Variants in TTC7B observed in about 807,000 individuals in gnomAD.
TTC7B encodes the protein tetratricopeptide repeat protein 7B.
In TTC7B, 28 loss-of-function variants were observed where a neutral mutation model predicts 106.8. The observed-to-expected ratio is 0.26, with a 90% CI of 0.19 to 0.36. The LOEUF is 0.36. TTC7B is among the 10% of genes least tolerant of loss of function. The pLI is 1.00. For synonymous variants in TTC7B, 405 were observed against 430.6 expected, an observed-to-expected ratio of 0.94 and a Z score of 0.74; for missense variants, 862 against 1,076.4, an observed-to-expected ratio of 0.80 and a Z score of 2.79.
chr14:90,572,479 C>T (rs1397826561), intron 19 of TTC7B, among the ~76,000 whole-genome samples: 2 of 152,230 alleles, frequency 1.3e-5, no homozygotes, highest in African/African-American at 4.8e-5. Flanking sequence ...ATTTTTCAAA[C>T]AGCTCGGCCA....
intron 16 of TTC7B, among the ~76,000 whole-genome samples, chr14:90,614,207 C>T (rs1196020395): frequency 1.3e-5 from 2 of 152,180 alleles, no homozygotes; most frequent in Non-Finnish European, 2.9e-5. Context: ...TCCCAATATC[C>T]CGGAGCCTCA....
At chr14:90,611,428 C>A (rs1272214167) in intron 16 of TTC7B, among the ~76,000 whole-genome samples, 1 of 152,178 alleles carries the variant, frequency 6.6e-6, no homozygotes, top group East Asian at 1.9e-4. Flanking sequence ...CCCCTGACCC[C>A]CTTTTCTGAG....
chr14:90,596,453 G>A (rs1385058927), intron 17 of TTC7B, among the ~76,000 whole-genome samples: 1 of 152,214 alleles, frequency 6.6e-6, no homozygotes, highest in South Asian at 2.1e-4. Context: ...GATGATGACA[G>A]CAGTGGTGGT....
chr14:90,726,916 G>A (rs371407743), intron 5 of TTC7B, among the ~76,000 whole-genome samples: 4 of 152,146 alleles, frequency 2.6e-5, no homozygotes, highest in African/African-American at 4.8e-5. Context: ...GTCAGACCGC[G>A]CCCAGAGACT....
Position 90,729,927 on chromosome 14 carries a change from A to G in TTC7B, c.698+148T>C, listed in dbSNP as rs1291791728. On this transcript the variant is annotated intron_variant, in intron 5 of 19. Coordinates refer to ENST00000328459, the MANE Select transcript of TTC7B (RefSeq NM_001010854.2). ...GGTAGAGAAGAGACAAAAACAGCCAATGTTCATTCTTTAAAAGAAAAAAAA... is the reference window on the plus strand; with the variant it reads ...GGTAGAGAAGAGACAAAAACAGCCAGTGTTCATTCTTTAAAAGAAAAAAAA... The G allele has an allele frequency of 1.2e-5, 10 of 817,860 alleles. 1 individual carries two copies. In the Admixed American group the frequency reaches 2.8e-4, roughly 23 times the overall value. 50.7% of individuals were successfully genotyped at this position (817,860 alleles called of 1,614,324 possible).
intron 5 of TTC7B, among the ~76,000 whole-genome samples, chr14:90,699,876 C>T (rs1887917592): frequency 6.6e-6 from 1 of 152,184 alleles, no homozygotes; most frequent in African/African-American, 2.4e-5. Flanking sequence ...GGCTTCACAT[C>T]CCCACAAAAA....
At chr14:90,640,743 C>A (rs1885135972) in intron 15 of TTC7B, among the ~76,000 whole-genome samples, 1 of 152,106 alleles carries the variant, frequency 6.6e-6, no homozygotes, top group Non-Finnish European at 1.5e-5. Flanking sequence ...AGGTACAATG[C>A]CTCAAATGCA....
In TTC7B at chr14:90,577,882, C is replaced by T. The variant is rs947496863; in HGVS notation, c.2310+224G>A. On this transcript the variant is annotated intron_variant, in intron 19 of 19. Transcript: ENST00000328459. This position sits in a 1 kb window ranked among gnomAD's most constrained non-coding sequence, Gnocchi z 5.0. ...GAGACCACAGCACCTAACAGGATGT[C>T]GGGTAGGGCTGCTGAGGCTATACAC... Among the ~76,000 whole-genome samples the T allele has an allele frequency of 2.0e-5, 3 of 152,234 alleles. No individual in the cohort carries two copies. Among genetic ancestry groups the T allele is most frequent in the African/African-American group, 4.8e-5 (2 of 41,468 alleles).
intron 15 of TTC7B, chr14:90,642,751 T>C (rs1885236428): frequency 1.3e-5 from 2 of 152,258 alleles, no homozygotes; most frequent in African/African-American, 2.4e-5. Context: ...GATTCTAGCA[T>C]ATGACAGTTT....
In TTC7B at chr14:90,578,332, A is replaced by T; in HGVS notation, c.2108-24T>A. ...AGCTGTGAGGAGACAGCAACGGCAC[A>T]TGCTTTCCTGGTGCCCCTCTGAGGC... On this transcript the variant is annotated intron_variant, in intron 18 of 19. Coordinates refer to ENST00000328459, the MANE Select transcript of TTC7B (RefSeq NM_001010854.2). The surrounding 1 kb of genome is among the most constrained non-coding windows in gnomAD (Gnocchi z 4.7). 2 of 1,607,726 alleles carry T rather than the reference A, an allele frequency of 1.2e-6. No individual in the cohort carries two copies. The highest frequency in any genetic ancestry group is 4.5e-5 in the East Asian group (2 of 44,744).
At chr14:90,810,613 G>A (rs980127417) in intron 1 of TTC7B, among the ~76,000 whole-genome samples, 14 of 152,248 alleles carry the variant, frequency 9.2e-5, no homozygotes, top group Admixed American at 9.2e-4. Context: ...AAGGAAAAGT[G>A]TAACTGCTCC....
At chr14:90,701,122 A>G (rs1887966991) in intron 5 of TTC7B, among the ~76,000 whole-genome samples, 1 of 152,070 alleles carries the variant, frequency 6.6e-6, no homozygotes, top group African/African-American at 2.4e-5. Flanking sequence ...CCCATGGAGC[A>G]AGCCAGCTGC....
At chr14:90,593,784 G>A (rs574810871) in intron 17 of TTC7B, 158 bp from the exon 18 acceptor site, 20 of 655,420 alleles carry the variant, frequency 3.1e-5, no homozygotes, top group South Asian at 7.2e-5. Flanking sequence ...ATCACGGCCC[G>A]GGGCCTTAGT....
intron 15 of TTC7B, among the ~76,000 whole-genome samples, chr14:90,629,076 C>A (rs1283338671): frequency 1.3e-5 from 2 of 152,232 alleles, no homozygotes; most frequent in Non-Finnish European, 2.9e-5. Flanking sequence ...TGAAAGCAGG[C>A]GCTCTCTACC....
At chr14:90,652,060 A>G (rs894983824) in intron 13 of TTC7B, among the ~76,000 whole-genome samples, 1 of 152,166 alleles carries the variant, frequency 6.6e-6, no homozygotes, top group Non-Finnish European at 1.5e-5. Context: ...TTGTGATTAT[A>G]CCTGTAACAA....
intron 3 of TTC7B, among the ~76,000 whole-genome samples, chr14:90,773,550 C>G (rs1035757589): frequency 6.6e-6 from 1 of 152,168 alleles, no homozygotes; most frequent in Non-Finnish European, 1.5e-5. Flanking sequence ...CACAATCACG[C>G]AGGTAAATCA....
At chr14:90,644,627 C>T (rs1431085404) in intron 14 of TTC7B, 1 of 159,270 alleles carries the variant, frequency 6.3e-6, no homozygotes, top group Non-Finnish European at 1.4e-5. Context: ...TGGAATTAAA[C>T]TGCCTTAGCT....
At position 90,646,972 on chromosome 14, in the gene TTC7B, C is replaced by T. The variant is rs1261659709; in HGVS notation, c.1569G>A (p.Leu523=). The T allele has an allele frequency of 6.2e-7, 1 of 1,614,168 alleles. No individual in the cohort carries two copies. The highest frequency in any genetic ancestry group is 1.1e-5 in the South Asian group (1 of 91,072). Residue 523 remains leucine (L), a synonymous_variant, in exon 14 of 20, where the codon CTG becomes CTA. Coordinates refer to ENST00000328459, the MANE Select transcript of TTC7B (RefSeq NM_001010854.2). ...TDHQAAFYLA[L]QLAISRQIPE... is the part of the protein sequence containing the mutation. Reference sequence around the variant, plus strand: ...TGACCTGTCTGGAGATGGCAAGCTGCAGAGCCAGGTAGAAAGCTGCTTGGT... The same window carrying T: ...TGACCTGTCTGGAGATGGCAAGCTGTAGAGCCAGGTAGAAAGCTGCTTGGT...
chr14:90,558,636 A>AT (rs749280509), intron 19 of TTC7B, among the ~76,000 whole-genome samples: 9 of 152,078 alleles, frequency 5.9e-5, no homozygotes, highest in African/African-American at 9.7e-5. Flanking sequence ...GCCTTGGAAA[A>AT]TTTTTTTCCA....
Sources: gnomAD v4.1 joint callset for allele counts (sites outside exome capture counted in the v4.1 genomes callset) on GRCh38, gnomAD v4.1.1 for gene constraint, Gnocchi (gnomAD v3.1) non-coding constraint, MANE v1.5 for transcripts, NCBI Gene and HGNC (gene_info 2026-07-23, HGNC 2026-07-21) for gene names.